The following BCHE variants were observed in gnomAD, a reference collection of about 807,000 sequenced individuals.
The protein encoded by BCHE is cholinesterase.
Under a neutral mutation model 51.3 loss-of-function variants are expected in BCHE, and 48 were observed. That is an observed-to-expected ratio of 0.94 (90% CI 0.74 to 1.19). The LOEUF (loss-of-function observed/expected upper bound fraction) is 1.19, where lower values mean the gene tolerates loss of function less well. BCHE is among the 50% of genes most tolerant of loss of function. BCHE has a pLI of 0.00. For missense variants in BCHE, 847 were observed against 708.2 expected (o/e 1.20, Z -2.23); for synonymous variants, 251 against 238.0 (o/e 1.05, Z -0.50).
At chr3:165,792,857 A>G (rs1171224612) in intron 2 of BCHE, among the ~76,000 whole-genome samples, 1 of 152,160 alleles carries the variant, frequency 6.6e-6, no homozygotes, top group East Asian at 1.9e-4. Context: ...CTTCCTCCAA[A>G]AACTGCTATC....
chr3:165,834,683 C>T (rs1244758570), intron 1 of BCHE, among the ~76,000 whole-genome samples: 4 of 151,170 alleles, frequency 2.6e-5, no homozygotes, highest in East Asian at 3.9e-4. Context: ...ATTGAGCAAT[C>T]GAAAGAGAAA....
chr3:165,788,100 A>G (rs767490798), intron 2 of BCHE, among the ~76,000 whole-genome samples: 1 of 107,800 alleles, frequency 9.3e-6, no homozygotes, highest in African/African-American at 3.6e-5. Context: ...TTGGAGTAGT[A>G]TGAGCCGATC....
At chr3:165,790,824 T>G (rs1713136441) in intron 2 of BCHE, among the ~76,000 whole-genome samples, 1 of 111,214 alleles carries the variant, frequency 9.0e-6, no homozygotes, top group Admixed American at 1.0e-4. Flanking sequence ...TGCTTAGAGT[T>G]TTCCAAGGAA....
intron 2 of BCHE, among the ~76,000 whole-genome samples, chr3:165,822,252 A>C (rs139090049): frequency 2.0e-4 from 31 of 152,098 alleles, no homozygotes; most frequent in African/African-American, 7.0e-4. Flanking sequence ...GTATAGAAGC[A>C]AGTAAATTGC....
chr3:165,829,275 T>C (rs752605850), intron 2 of BCHE, among the ~76,000 whole-genome samples: 20 of 152,266 alleles, frequency 1.3e-4, no homozygotes, highest in Non-Finnish European at 2.1e-4. Context: ...TACTTTGAAA[T>C]ATTTTGGAGA....
intron 3 of BCHE, 95 bp downstream of exon 3, chr3:165,786,050 A>G (rs1327451189): frequency 7.7e-7 from 1 of 1,305,336 alleles, no homozygotes; most frequent in African/African-American, 1.5e-5. Flanking sequence ...AGATACATAT[A>G]GTAACTCCAT....
intron 2 of BCHE, among the ~76,000 whole-genome samples, chr3:165,799,062 A>G (rs1713536784): frequency 6.6e-6 from 1 of 152,158 alleles, no homozygotes; most frequent in African/African-American, 2.4e-5. Flanking sequence ...AAACATATCT[A>G]TATCATCTGA....
At chr3:165,819,159 T>C (rs569202185) in intron 2 of BCHE, among the ~76,000 whole-genome samples, 93 of 150,290 alleles carry the variant, frequency 6.2e-4, no homozygotes, top group African/African-American at 2.0e-3. Context: ...GCTCACTGCA[T>C]TCTCTGCCTC....
chr3:165,816,543 T>G (rs1271390103), intron 2 of BCHE, among the ~76,000 whole-genome samples: 4 of 151,956 alleles, frequency 2.6e-5, no homozygotes, highest in African/African-American at 9.7e-5. Flanking sequence ...CTCATTCTCT[T>G]TTGCATCTCT....
intron 3 of BCHE, among the ~76,000 whole-genome samples, chr3:165,775,957 T>C (rs1343192976): frequency 6.6e-6 from 1 of 151,956 alleles, no homozygotes; most frequent in East Asian, 1.9e-4. Flanking sequence ...CTTTGTCTTC[T>C]TATTTCATAT....
At chr3:165,812,661 T>G (rs1714147007) in intron 2 of BCHE, among the ~76,000 whole-genome samples, 1 of 151,990 alleles carries the variant, frequency 6.6e-6, no homozygotes, top group Admixed American at 6.6e-5. Context: ...AATTTCCATG[T>G]TGTTTTTCAT....
At chr3:165,804,483 G>A (rs535634791) in intron 2 of BCHE, among the ~76,000 whole-genome samples, 8 of 152,238 alleles carry the variant, frequency 5.3e-5, no homozygotes, top group African/African-American at 1.9e-4. Flanking sequence ...AGTCATATGT[G>A]GATGGGCTCT....
intron 3 of BCHE, chr3:165,777,813 G>A (rs1276424891): frequency 2.2e-6 from 1 of 451,464 alleles, no homozygotes; most frequent in African/African-American, 2.0e-5. Context: ...ATGTGAAGAT[G>A]ACAAGTATGA....
intron 2 of BCHE, among the ~76,000 whole-genome samples, chr3:165,787,006 C>T (rs1271367583): frequency 6.6e-6 from 1 of 151,692 alleles, no homozygotes; most frequent in Non-Finnish European, 1.5e-5. Flanking sequence ...TAGAGTTCCC[C>T]AGTAAATCCC....
At chr3:165,817,211 C>T (rs1454010573) in intron 2 of BCHE, among the ~76,000 whole-genome samples, 1 of 151,918 alleles carries the variant, frequency 6.6e-6, no homozygotes, top group Non-Finnish European at 1.5e-5. Flanking sequence ...TATTGTCAGA[C>T]CTTCCTTCAA....
chr3:165,789,792 C>A (rs1457281460), intron 2 of BCHE, among the ~76,000 whole-genome samples: 1 of 151,802 alleles, frequency 6.6e-6, no homozygotes, highest in Non-Finnish European at 1.5e-5. Context: ...AATAGAAGGG[C>A]TATAAGAAGA....
At chr3:165,826,543 A>G (rs1714729617) in intron 2 of BCHE, among the ~76,000 whole-genome samples, 1 of 152,066 alleles carries the variant, frequency 6.6e-6, no homozygotes, top group Non-Finnish European at 1.5e-5. Flanking sequence ...AGGCAATGGA[A>G]TTATGCTTTA....
chr3:165,804,035 A>G (rs1247190569), intron 2 of BCHE, among the ~76,000 whole-genome samples: 4 of 145,484 alleles, frequency 2.7e-5, no homozygotes, highest in Admixed American at 1.4e-4. Flanking sequence ...GGAGACTAAA[A>G]TGGTAAGCCT....
At chr3:165,785,760 A>C (rs1291272845) in intron 3 of BCHE, among the ~76,000 whole-genome samples, 1 of 151,544 alleles carries the variant, frequency 6.6e-6, no homozygotes, top group Non-Finnish European at 1.5e-5. Flanking sequence ...TTACCAATTT[A>C]TGCATCTTAT....
Sources: gnomAD v4.1 joint callset for allele counts (sites outside exome capture counted in the v4.1 genomes callset) on GRCh38, gnomAD v4.1.1 for gene constraint, MANE v1.5 for transcripts, NCBI Gene and HGNC (gene_info 2026-07-23, HGNC 2026-07-21) for gene names.